RBFOX2: variants seen among roughly 807,000 people sequenced by gnomAD.
The protein encoded by RBFOX2 is RNA binding fox-1 homolog 2.
RBFOX2 carries 10 observed loss-of-function variants against 49.1 expected under a neutral mutation model. The ratio of observed to expected loss-of-function variants is 0.20; its 90% CI spans 0.13 to 0.35. RBFOX2 has a LOEUF of 0.35. Among genes scored for constraint, RBFOX2 ranks in the 10% least tolerant of loss-of-function variants. The probability of loss-of-function intolerance (pLI) is 1.00; values close to 1 mark genes in which losing one functional copy is unlikely to be tolerated. For missense variants in RBFOX2, 323 were observed against 486.9 expected (o/e 0.66, Z 3.17); for synonymous variants, 183 against 187.4 (o/e 0.98, Z 0.19).
chr22:35,884,216 C>CA (rs1409468831), intron 1 of RBFOX2, among the ~76,000 whole-genome samples: 1 of 151,986 alleles, frequency 6.6e-6, no homozygotes, highest in Non-Finnish European at 1.5e-5. Context: ...AGGCTGGTCT[C>CA]AAACTCCTGG....
chr22:36,027,619 CAG>C (rs2059495013), intron 1 of RBFOX2, among the ~76,000 whole-genome samples: 1 of 152,208 alleles, frequency 6.6e-6, no homozygotes, highest in African/African-American at 2.4e-5. Flanking sequence ...TGTCTCCCTT[CAG>C]ACTCATTAGT....
chr22:35,855,891 C>T (rs2042454931), intron 1 of RBFOX2, among the ~76,000 whole-genome samples: 1 of 151,946 alleles, frequency 6.6e-6, no homozygotes, highest in Admixed American at 6.6e-5. Flanking sequence ...CCTGTAGTCC[C>T]AGGTACTCGG....
chr22:36,026,232 G>A (rs532263212), intron 1 of RBFOX2, among the ~76,000 whole-genome samples: 5 of 150,702 alleles, frequency 3.3e-5, no homozygotes, highest in African/African-American at 7.3e-5. Context: ...AGCCGAGATC[G>A]TGCCATTGCA....
exon 9 of RBFOX2, chr22:35,760,017 G>A: frequency 1.2e-6 from 2 of 1,613,746 alleles, no homozygotes; most frequent in Non-Finnish European, 1.7e-6. Context: ...AGGGAAGCCA[G>A]GAACTAAAGG....
intron 9 of RBFOX2, 81 bp downstream of exon 11, chr22:35,756,019 AAAACC>A (rs1027017326): frequency 9.3e-5 from 97 of 1,044,708 alleles, no homozygotes; most frequent in Non-Finnish European, 1.1e-4. Context: ...TAAAAGGAAA[AAAACC>A]AAACCAAACC....
intron 1 of RBFOX2, chr22:35,836,585 T>TC (rs1957719898): frequency 6.6e-6 from 1 of 152,278 alleles, no homozygotes; most frequent in Admixed American, 6.5e-5. Context: ...CCTAACACCT[T>TC]CCCTCCTCTT....
At chr22:35,897,323 A>C (rs902214254) in intron 1 of RBFOX2, 60 of 1,457,044 alleles carry the variant, frequency 4.1e-5, no homozygotes, top group Non-Finnish European at 5.5e-5. Flanking sequence ...GCCAGCAGTA[A>C]GTGTGATGAA....
intron 1 of RBFOX2, among the ~76,000 whole-genome samples, chr22:35,944,209 G>A (rs1441299473): frequency 6.6e-6 from 1 of 152,134 alleles, no homozygotes; most frequent in East Asian, 1.9e-4. Context: ...AATAACTACA[G>A]GACTTCAGAA....
At chr22:35,808,353 G>A (rs1004399189) in intron 2 of RBFOX2, among the ~76,000 whole-genome samples, 8 of 152,098 alleles carry the variant, frequency 5.3e-5, no homozygotes, top group African/African-American at 1.9e-4. Flanking sequence ...AATAAACATC[G>A]AAAGTAGGAA....
chr22:35,856,440 T>A (rs999409629), intron 1 of RBFOX2, among the ~76,000 whole-genome samples: 5 of 152,260 alleles, frequency 3.3e-5, no homozygotes, highest in Admixed American at 3.3e-4. Context: ...TCCTGCCAAA[T>A]GTTTAAGGAT....
At chr22:35,863,213 T>C (rs1482480556) in intron 1 of RBFOX2, among the ~76,000 whole-genome samples, 6 of 152,164 alleles carry the variant, frequency 3.9e-5, no homozygotes, top group Non-Finnish European at 8.8e-5. Context: ...TTGCAAATAT[T>C]TGTTATTTTG....
At chr22:36,001,552 G>A (rs1003170803) in intron 1 of RBFOX2, among the ~76,000 whole-genome samples, 13 of 152,050 alleles carry the variant, frequency 8.5e-5, no homozygotes, top group African/African-American at 2.9e-4. Context: ...TTAAGGCCAG[G>A]AGCTTGAGAC....
intron 1 of RBFOX2, among the ~76,000 whole-genome samples, chr22:35,818,573 C>T (rs1953704472): frequency 6.6e-6 from 1 of 152,096 alleles, no homozygotes; most frequent in Non-Finnish European, 1.5e-5. Flanking sequence ...TGCTTGAGGC[C>T]AGGAGTTCAA....
chr22:35,890,550 A>G (rs1366685888), intron 1 of RBFOX2, among the ~76,000 whole-genome samples: 1 of 152,304 alleles, frequency 6.6e-6, no homozygotes, highest in Non-Finnish European at 1.5e-5. Flanking sequence ...AAGTGAAGCC[A>G]TGGATAAGGG....
At chr22:35,949,093 C>G (rs1189688591) in intron 1 of RBFOX2, among the ~76,000 whole-genome samples, 4 of 152,220 alleles carry the variant, frequency 2.6e-5, no homozygotes, top group Non-Finnish European at 5.9e-5. Flanking sequence ...ATAATCTCAG[C>G]TCACTGCACT....
At chr22:35,786,719 G>A (rs1946483065) in intron 2 of RBFOX2, among the ~76,000 whole-genome samples, 1 of 152,176 alleles carries the variant, frequency 6.6e-6, no homozygotes, top group African/African-American at 2.4e-5. Flanking sequence ...CAATAACTCT[G>A]TGAAACAGGT....
chr22:35,873,317 A>T (rs1318305556), intron 1 of RBFOX2, among the ~76,000 whole-genome samples: 1 of 151,176 alleles, frequency 6.6e-6, no homozygotes, highest in African/African-American at 2.4e-5. Context: ...TTTTTTGTAG[A>T]AACGGGGTCT....
At chr22:35,782,338 T>C (rs988930274) in intron 2 of RBFOX2, among the ~76,000 whole-genome samples, 2 of 152,324 alleles carry the variant, frequency 1.3e-5, no homozygotes, top group Middle Eastern at 3.4e-3. Flanking sequence ...TTCTTTTTTT[T>C]GGAGACAGAG....
chr22:35,963,685 T>C (rs1267609184), upstream of RBFOX2, among the ~76,000 whole-genome samples: 1 of 152,208 alleles, frequency 6.6e-6, no homozygotes, highest in Non-Finnish European at 1.5e-5. Context: ...AAGAGTTTTA[T>C]ATGTGTCATC....
Sources: gnomAD v4.1 joint callset for allele counts (sites outside exome capture counted in the v4.1 genomes callset) on GRCh38, gnomAD v4.1.1 for gene constraint, MANE v1.5 for transcripts, NCBI Gene and HGNC (gene_info 2026-07-23, HGNC 2026-07-21) for gene names.